Variants in LRP1B observed in about 807,000 individuals in gnomAD.
LRP1B encodes low-density lipoprotein receptor-related protein 1B.
LRP1B carries 217 observed loss-of-function variants against 556.6 expected under a neutral mutation model. The observed-to-expected ratio is 0.39, with a 90% CI of 0.35 to 0.44. The LOEUF (loss-of-function observed/expected upper bound fraction) is 0.44, where lower values mean the gene tolerates loss of function less well. Ranked by LOEUF, LRP1B falls within the 20% of genes least tolerant of loss-of-function variation. The pLI is 1.00. For synonymous variants in LRP1B, 2,047 were observed against 1,865.8 expected (o/e 1.10, Z -2.50); for missense variants, 5,053 against 5,620.8 (o/e 0.90, Z 3.23).
At chr2:140,893,953 A>G (rs1257649391) in intron 23 of LRP1B, among the ~76,000 whole-genome samples, 1 of 152,202 alleles carries the variant, frequency 6.6e-6, no homozygotes. Flanking sequence ...GAGAGGGAAA[A>G]TGAGCAAAAA....
intron 82 of LRP1B, 45 bp downstream of exon 82, chr2:140,321,918 G>A: frequency 6.4e-7 from 1 of 1,558,354 alleles, no homozygotes; most frequent in South Asian, 1.2e-5. Context: ...GAAATTTTAT[G>A]ATAAGGATTA....
At chr2:141,849,463 A>G (rs909284194) in intron 1 of LRP1B, among the ~76,000 whole-genome samples, 5 of 151,734 alleles carry the variant, frequency 3.3e-5, no homozygotes, top group African/African-American at 9.7e-5. Flanking sequence ...CCAAATATCT[A>G]AAGTTTTACA....
intron 59 of LRP1B, among the ~76,000 whole-genome samples, chr2:140,481,113 G>A (rs1415436684): frequency 2.6e-5 from 4 of 152,052 alleles, no homozygotes; most frequent in African/African-American, 7.2e-5. Context: ...TGTCCTGCCC[G>A]CCTAGGCCTC....
At chr2:141,365,423 G>A (rs978008974) in intron 3 of LRP1B, among the ~76,000 whole-genome samples, 18 of 150,390 alleles carry the variant, frequency 1.2e-4, no homozygotes, top group African/African-American at 3.7e-4. Flanking sequence ...TGGAATGTTA[G>A]AGTCCCATAA....
chr2:141,951,836 A>C (rs558818790), intron 1 of LRP1B, among the ~76,000 whole-genome samples: 175 of 152,206 alleles, frequency 1.1e-3, no homozygotes, highest in African/African-American at 4.0e-3. Flanking sequence ...AGTTCAGAAG[A>C]ATTTTTTTTT....
chr2:140,683,682 G>A, intron 41 of LRP1B: 1 of 706,118 alleles, frequency 1.4e-6, no homozygotes, highest in Non-Finnish European at 2.6e-6. Context: ...CAGAATGGGT[G>A]CCTTCACTCC....
chr2:141,267,651 G>A (rs963808352), intron 3 of LRP1B, among the ~76,000 whole-genome samples: 18 of 151,306 alleles, frequency 1.2e-4, no homozygotes, highest in South Asian at 6.3e-4. Context: ...GAAACTATGC[G>A]TGAGGAAAAA....
intron 28 of LRP1B, 46 bp from the exon 29 acceptor site, chr2:140,850,375 TTGAAAG>T: frequency 8.4e-7 from 1 of 1,191,888 alleles, no homozygotes; most frequent in Non-Finnish European, 1.2e-6. Context: ...GTTGGCAAGC[TTGAAAG>T]TCTAGAAATT....
intron 77 of LRP1B, among the ~76,000 whole-genome samples, chr2:140,346,036 G>A (rs1162227291): frequency 6.6e-6 from 1 of 150,508 alleles, no homozygotes; most frequent in Non-Finnish European, 1.5e-5. Flanking sequence ...GGAATTTTCT[G>A]TATTGATTTC....
intron 20 of LRP1B, among the ~76,000 whole-genome samples, chr2:140,942,770 A>T (rs190051458): frequency 1.9e-3 from 295 of 152,236 alleles, no homozygotes; most frequent in African/African-American, 6.9e-3. Context: ...CTGGTCTTAT[A>T]ACAGATGTTT....
At chr2:140,874,130 C>A (rs549207406) in intron 25 of LRP1B, among the ~76,000 whole-genome samples, 117 of 152,110 alleles carry the variant, frequency 7.7e-4, no homozygotes, top group Non-Finnish European at 5.4e-4. Context: ...AAAAAAACAA[C>A]TTTTATATGA....
In LRP1B at chr2:140,702,187, T is replaced by C. The variant is rs200227036; in HGVS notation, c.6256A>G (p.Met2086Val). ...GCCCCAAAGACTGCAACTGAAAACA[T>C]ATCCACATTGCTTCCTGACAGCACC... Reference protein sequence around the residue: ...EMVLSGSNVDMFSVAVFGAYI... With the variant: ...EMVLSGSNVDVFSVAVFGAYI... Residue 2086 changes from methionine (M) to valine (V), a missense_variant, in exon 39 of 91, where the codon ATG becomes GTG. By Grantham distance (21) the Met-to-Val change is conservative. This residue lies in a region of LRP1B where 3,619 missense variants were observed against 3,931.9 expected (regional missense o/e 0.92). Transcript: ENST00000389484. 36 of 1,613,710 alleles carry C rather than the reference T, an allele frequency of 2.2e-5. No individual in the cohort carries two copies. In the East Asian group the frequency reaches 7.4e-4, roughly 33 times the overall value.
intron 2 of LRP1B, among the ~76,000 whole-genome samples, chr2:141,697,003 T>G (rs747777270): frequency 1.3e-5 from 2 of 151,936 alleles, no homozygotes; most frequent in Non-Finnish European, 2.9e-5. Flanking sequence ...ATAAGATAGG[T>G]CAGTTTTCTT....
intron 79 of LRP1B, among the ~76,000 whole-genome samples, chr2:140,331,789 G>C (rs1163284561): frequency 6.6e-6 from 1 of 151,600 alleles, no homozygotes; most frequent in African/African-American, 2.4e-5. Flanking sequence ...TCCGCCTCCT[G>C]GGTTCAAGCA....
chr2:141,533,318 GAC>G (rs1214806952), intron 2 of LRP1B, among the ~76,000 whole-genome samples: 1 of 139,484 alleles, frequency 7.2e-6, no homozygotes, highest in African/African-American at 2.5e-5. Flanking sequence ...GTGCGTGAAA[GAC>G]AACAAATTTT....
chr2:141,320,606 G>T (rs1472830264), intron 3 of LRP1B, among the ~76,000 whole-genome samples: 1 of 152,072 alleles, frequency 6.6e-6, no homozygotes, highest in Non-Finnish European at 1.5e-5. Context: ...AAAACCTGCA[G>T]CCTGAAACTG....
chr2:140,335,919 TG>T, intron 77 of LRP1B, 81 bp from the exon 78 acceptor site: 1 of 838,906 alleles, frequency 1.2e-6, no homozygotes, highest in South Asian at 1.4e-5. Flanking sequence ...ATTGAAGTTA[TG>T]GGGGAATTGT....
chr2:140,589,708 T>A (rs1682138984), intron 43 of LRP1B, among the ~76,000 whole-genome samples: 1 of 152,226 alleles, frequency 6.6e-6, no homozygotes, highest in Admixed American at 6.5e-5. Flanking sequence ...ATGCACTATA[T>A]AATTCCATTA....
chr2:140,239,926 T>C (rs1680876097), intron 87 of LRP1B, among the ~76,000 whole-genome samples: 1 of 150,926 alleles, frequency 6.6e-6, no homozygotes, highest in South Asian at 2.1e-4. Context: ...TTCCCACCCT[T>C]AGTTTTGTTC....
Sources: allele counts gnomAD v4.1 joint callset (sites outside exome capture counted in the v4.1 genomes callset), GRCh38; gene constraint gnomAD v4.1.1; regional missense constraint gnomAD v4.1.1; transcripts MANE v1.5; gene names NCBI Gene and HGNC (gene_info 2026-07-23, HGNC 2026-07-21).